KLHL32: variants seen among roughly 807,000 people sequenced by gnomAD.
KLHL32 encodes kelch like family member 32, also known as kelch-like protein 32.
In KLHL32, 35 loss-of-function variants were observed where a neutral mutation model predicts 64.8. The observed-to-expected ratio is 0.54, with a 90% CI of 0.41 to 0.72. The LOEUF is 0.72. KLHL32 is among the 30% of genes least tolerant of loss of function. KLHL32 has a pLI of 0.00. For synonymous variants in KLHL32, 259 were observed against 281.0 expected, an observed-to-expected ratio of 0.92 and a Z score of 0.78; for missense variants, 589 against 768.5, an observed-to-expected ratio of 0.77 and a Z score of 2.76.
intron 3 of KLHL32, among the ~76,000 whole-genome samples, chr6:97,026,108 A>G (rs1438434640): frequency 3.3e-5 from 5 of 152,046 alleles, no homozygotes; most frequent in Admixed American, 6.6e-5. Context: ...ATATATATAA[A>G]TGTTCATAGG....
At chr6:96,916,957 C>T in the KLHL32 span, among the ~76,000 whole-genome samples, 1 of 152,058 alleles carries the variant, frequency 6.6e-6, no homozygotes, top group Non-Finnish European at 1.5e-5. Flanking sequence ...AATATGCAAC[C>T]TAATAAACTA....
chr6:97,036,824 A>G (rs1322938284), intron 3 of KLHL32, among the ~76,000 whole-genome samples: 1 of 152,206 alleles, frequency 6.6e-6, no homozygotes, highest in African/African-American at 2.4e-5. Flanking sequence ...GATGCAAGGC[A>G]TGGGCTCCAG....
At chr6:97,072,069 C>T (rs549483827) in intron 5 of KLHL32, among the ~76,000 whole-genome samples, 7 of 152,308 alleles carry the variant, frequency 4.6e-5, no homozygotes, top group Non-Finnish European at 7.4e-5. Context: ...GTCTACACTT[C>T]GGCTTGGGTA....
At chr6:96,999,858 G>A (rs115143854) in intron 3 of KLHL32, among the ~76,000 whole-genome samples, 54 of 152,208 alleles carry the variant, frequency 3.5e-4, no homozygotes, top group African/African-American at 9.4e-4. Flanking sequence ...TTTACCGAGC[G>A]TCTACTACAT....
chr6:96,998,571 G>C (rs1452970190), intron 3 of KLHL32, among the ~76,000 whole-genome samples: 1 of 152,126 alleles, frequency 6.6e-6, no homozygotes, highest in East Asian at 1.9e-4. Context: ...CCCTGCAGTT[G>C]TCTAATTGGT....
intron 3 of KLHL32, among the ~76,000 whole-genome samples, chr6:96,979,604 C>G (rs1012987720): frequency 7.2e-5 from 11 of 151,988 alleles, no homozygotes; most frequent in Non-Finnish European, 1.5e-4. Context: ...AATACTACAG[C>G]TTTGTTCTTT....
chr6:96,970,807 A>AT (rs1453610907), intron 2 of KLHL32, among the ~76,000 whole-genome samples: 1 of 152,196 alleles, frequency 6.6e-6, no homozygotes, highest in Non-Finnish European at 1.5e-5. Context: ...GATCAAGTTC[A>AT]TTTTAAAGTG....
At chr6:96,928,954 C>T (rs769583770) in intron 1 of KLHL32, among the ~76,000 whole-genome samples, 1 of 152,160 alleles carries the variant, frequency 6.6e-6, no homozygotes. Context: ...AAGCTGTACT[C>T]AAATCTAGAC....
chr6:97,000,280 G>A (rs1473564713), intron 3 of KLHL32, among the ~76,000 whole-genome samples: 6 of 152,196 alleles, frequency 3.9e-5, no homozygotes, highest in Admixed American at 3.9e-4. Flanking sequence ...TACTCAAAGT[G>A]TGGTCCATGG....
At position 97,114,073 on chromosome 6, in the gene KLHL32, A is replaced by T. The variant is rs774554789; in HGVS notation, c.918A>T (p.Glu306Asp). The T allele has an allele frequency of 6.2e-7, 1 of 1,614,208 alleles. No homozygotes were observed. Among genetic ancestry groups the T allele is most frequent in the Admixed American group, 1.7e-5 (1 of 60,018 alleles). Residue 306 changes from glutamate (E) to aspartate (D), a missense_variant, in exon 7 of 11, where the codon GAA (glutamate) becomes GAT (aspartate). By Grantham distance (45) the Glu-to-Asp change is conservative. Coordinates refer to ENST00000369261, the MANE Select transcript of KLHL32 (RefSeq NM_052904.4). ...AGCGCGAGGTCTGCAAGGTCAAGGA[A>T]CTTCGGTACTTCAATCCTGTTGATC... ...GKKREVCKVK[E>D]LRYFNPVDQE...
intron 7 of KLHL32, among the ~76,000 whole-genome samples, chr6:97,117,152 G>A (rs73505043): frequency 9.9e-5 from 15 of 152,248 alleles, no homozygotes; most frequent in African/African-American, 3.4e-4. Flanking sequence ...TTGCTAATGG[G>A]CCCCTTAACA....
At chr6:97,045,874 A>G (rs1785844171) in intron 4 of KLHL32, among the ~76,000 whole-genome samples, 1 of 152,352 alleles carries the variant, frequency 6.6e-6, no homozygotes, top group Admixed American at 6.5e-5. Flanking sequence ...AAGGGCAGCC[A>G]TATCCCATTG....
intron 1 of KLHL32, among the ~76,000 whole-genome samples, chr6:96,959,888 AAAC>A (rs1773696869): frequency 2.0e-5 from 3 of 152,304 alleles, no homozygotes; most frequent in Admixed American, 2.0e-4. Flanking sequence ...AGATTATTGG[AAAC>A]TTCCTTTGTA....
chr6:96,900,971 G>A, the KLHL32 span, among the ~76,000 whole-genome samples: 1 of 152,190 alleles, frequency 6.6e-6, no homozygotes, highest in Non-Finnish European at 1.5e-5. Context: ...GTGATGCAGT[G>A]TTTTGGGTCT....
chr6:97,127,347 T>A (rs1798979401), intron 7 of KLHL32, 57 bp from the exon 8 acceptor site: 2 of 1,388,968 alleles, frequency 1.4e-6, no homozygotes, highest in African/African-American at 2.8e-5. Flanking sequence ...CATTCTTATG[T>A]TGGAATATCC....
At chr6:96,962,265 A>ACC (rs1322851993) in intron 1 of KLHL32, among the ~76,000 whole-genome samples, 1 of 152,170 alleles carries the variant, frequency 6.6e-6, no homozygotes. Flanking sequence ...AAGAGGTTAG[A>ACC]CCCCATCAAT....
upstream of KLHL32, chr6:96,924,637 C>A (rs1434013643): frequency 6.6e-6 from 1 of 151,962 alleles, no homozygotes; most frequent in East Asian, 1.9e-4. Context: ...GAACCCGCCC[C>A]GGGGGTGCCA....
At chr6:97,082,409 C>G (rs1792685847) in intron 5 of KLHL32, among the ~76,000 whole-genome samples, 1 of 152,060 alleles carries the variant, frequency 6.6e-6, no homozygotes, top group African/African-American at 2.4e-5. Flanking sequence ...GTGAGGAAAT[C>G]AAGACCATCC....
intron 5 of KLHL32, among the ~76,000 whole-genome samples, chr6:97,071,717 A>T (rs1331674704): frequency 6.6e-6 from 1 of 152,086 alleles, no homozygotes; most frequent in African/African-American, 2.4e-5. Flanking sequence ...AGACCTCATG[A>T]ATTCCACTAA....
Sources: gnomAD v4.1 joint callset for allele counts (sites outside exome capture counted in the v4.1 genomes callset) on GRCh38, gnomAD v4.1.1 for gene constraint, MANE v1.5 for transcripts, NCBI Gene and HGNC (gene_info 2026-07-23, HGNC 2026-07-21) for gene names.